The following VWA2 variants were observed in gnomAD, a reference collection of about 807,000 sequenced individuals.
VWA2 encodes the protein von Willebrand factor A domain-containing protein 2.
A neutral mutation model predicts 70.4 loss-of-function variants in VWA2; 73 were observed. The observed-to-expected ratio is 1.04, with a 90% CI of 0.86 to 1.26. The LOEUF (loss-of-function observed/expected upper bound fraction) is 1.26, where lower values mean the gene tolerates loss of function less well. VWA2 is among the 50% of genes most tolerant of loss of function. The pLI, the probability that VWA2 is intolerant of heterozygous loss-of-function variation, is 0.00. For missense variants in VWA2, 1,011 were observed against 998.5 expected, an observed-to-expected ratio of 1.01 and a Z score of -0.17; for synonymous variants, 407 against 423.3, an observed-to-expected ratio of 0.96 and a Z score of 0.47.
intron 6 of VWA2, among the ~76,000 whole-genome samples, chr10:114,276,141 C>T (rs1412440109): frequency 2.0e-5 from 3 of 152,144 alleles, no homozygotes; most frequent in Non-Finnish European, 2.9e-5. Context: ...CAGCCATGGC[C>T]TAGAGAGATG....
rs1008405155 is a variant in VWA2 at position 114,292,887 on chromosome 10, G to A, written c.*1650G>A. ...TGCCTAGCTAATTTTTGTATTTTTAGTTAGAGACAGGGTTTCACCATGTTG... is the reference window on the plus strand; with the variant it reads ...TGCCTAGCTAATTTTTGTATTTTTAATTAGAGACAGGGTTTCACCATGTTG... On this transcript the variant is annotated 3_prime_UTR_variant, in exon 14 of 14. Coordinates refer to ENST00000392982, the MANE Select transcript of VWA2 (RefSeq NM_001272046.2). Among the ~76,000 whole-genome samples, 3 of 151,966 alleles carry A rather than the reference G, an allele frequency of 2.0e-5. No homozygotes were observed. The highest frequency in any genetic ancestry group is 7.2e-5 in the African/African-American group (3 of 41,392).
chr10:114,291,233 C>A lies in VWA2; in HGVS notation c.2264C>A (p.Pro755His). Residue 755 changes from proline (P) to histidine (H), a missense_variant, in exon 14 of 14, where the codon CCC becomes CAC. Pro to His is a moderately conservative substitution (Grantham distance 77). Coordinates refer to ENST00000392982, the MANE Select transcript of VWA2 (RefSeq NM_001272046.2). ...PHCENRFLRR[P>H] Reference sequence around the variant, plus strand: ...CCTTCCCCAGGATTCTTGAGACGCCCCTGAGGCACATGGCTCCCGTGCAGG... The same window carrying A: ...CCTTCCCCAGGATTCTTGAGACGCCACTGAGGCACATGGCTCCCGTGCAGG... The A allele has an allele frequency of 6.4e-7, 1 of 1,550,398 alleles. No homozygotes were observed. Among genetic ancestry groups the A allele is most frequent in the Middle Eastern group, 1.7e-4 (1 of 5,990 alleles).
intron 3 of VWA2, 76 bp from the exon 4 acceptor site, chr10:114,254,839 G>A: frequency 6.4e-7 from 1 of 1,574,760 alleles, no homozygotes; most frequent in South Asian, 1.2e-5. Context: ...CCACAAGGCT[G>A]TTTGTGCCTT....
chr10:114,256,909 C>CAAAAA (rs1191231574), intron 4 of VWA2, among the ~76,000 whole-genome samples: 2 of 54,804 alleles, frequency 3.6e-5, no homozygotes, highest in African/African-American at 1.3e-4. Flanking sequence ...AACACCGTCT[C>CAAAAA]AAAAAAAAAA....
chr10:114,262,216 C>T (rs1236373430), intron 5 of VWA2, among the ~76,000 whole-genome samples: 1 of 151,852 alleles, frequency 6.6e-6, no homozygotes. Context: ...TGTTTACTTA[C>T]ATTATAAGTT....
At chr10:114,257,908 T>C (rs1410168595) in intron 4 of VWA2, among the ~76,000 whole-genome samples, 1 of 152,208 alleles carries the variant, frequency 6.6e-6, no homozygotes, top group African/African-American at 2.4e-5. Flanking sequence ...TGGAAACCTC[T>C]ATGAATGAGG....
rs1190550181 is a variant in VWA2, at chr10:114,293,181, T to G, written c.*1944T>G. On this transcript the variant is annotated 3_prime_UTR_variant, in exon 14 of 14. Coordinates refer to ENST00000392982, the MANE Select transcript of VWA2 (RefSeq NM_001272046.2). ...GACATTGAGTCATAATCATCTATATTCAAGGGATACTTTCATTGATAACTT... is the reference window on the plus strand; with the variant it reads ...GACATTGAGTCATAATCATCTATATGCAAGGGATACTTTCATTGATAACTT... Among the ~76,000 whole-genome samples the G allele has an allele frequency of 6.6e-6, 1 of 152,254 alleles. No individual in the cohort carries two copies. The highest frequency in any genetic ancestry group is 1.5e-5 in the Non-Finnish European group (1 of 68,050).
intron 4 of VWA2, among the ~76,000 whole-genome samples, chr10:114,259,555 T>C (rs1391663856): frequency 6.6e-6 from 1 of 152,172 alleles, no homozygotes; most frequent in Admixed American, 6.5e-5. Context: ...AAGGTCTTTT[T>C]ACACGTTGAA....
At chr10:114,283,547 C>T (rs1361346872) in intron 9 of VWA2, among the ~76,000 whole-genome samples, 4 of 152,164 alleles carry the variant, frequency 2.6e-5, no homozygotes, top group African/African-American at 7.2e-5. Flanking sequence ...TGAGGACTTC[C>T]GGTTTGGAAA....
At chr10:114,253,031 T>A (rs1176426009) in intron 2 of VWA2, among the ~76,000 whole-genome samples, 1 of 151,396 alleles carries the variant, frequency 6.6e-6, no homozygotes, top group Non-Finnish European at 1.5e-5. Flanking sequence ...TCTCTTCTGC[T>A]GCTAGACACC....
rs568963579 is a variant in VWA2 at position 114,285,907 on chromosome 10, C to T, written c.998-32C>T. 5 of 1,551,746 alleles carry T rather than the reference C, an allele frequency of 3.2e-6. No individual in the cohort carries two copies. The South Asian group carries it at 4.9e-5, about 15-fold the overall frequency. On this transcript the variant is annotated intron_variant, in intron 10 of 13. Coordinates refer to ENST00000392982, the MANE Select transcript of VWA2 (RefSeq NM_001272046.2). ...CAGCTCGCATGCCGCATGACCATGG[C>T]TTGACAGTGGGTGTTGCTGTGATCC...
chr10:114,279,282 A>G (rs1157622102), intron 8 of VWA2, among the ~76,000 whole-genome samples: 1 of 151,986 alleles, frequency 6.6e-6, no homozygotes, highest in African/African-American at 2.4e-5. Context: ...GTTCTTTGGG[A>G]TTGGAGCCCA....
chr10:114,291,076 G>A (rs1029551438), intron 13 of VWA2, 142 bp from the exon 14 acceptor site: 9 of 953,464 alleles, frequency 9.4e-6, no homozygotes, highest in Non-Finnish European at 1.5e-5. Context: ...TAATCACATG[G>A]GGTCTCTAAT....
chr10:114,274,372 A>G (rs946318329), intron 6 of VWA2, among the ~76,000 whole-genome samples: 2 of 152,174 alleles, frequency 1.3e-5, no homozygotes, highest in African/African-American at 4.8e-5. Context: ...GGAAATAGTA[A>G]GGGGAGAGGG....
At chr10:114,280,780 C>G (rs2038048231) in intron 8 of VWA2, 1 of 152,120 alleles carries the variant, frequency 6.6e-6, no homozygotes, top group Non-Finnish European at 1.5e-5. Flanking sequence ...TGCTCTGTCA[C>G]CAGGATGGAG....
chr10:114,290,091 G>C, intron 12 of VWA2, 149 bp from the exon 13 acceptor site: 1 of 1,001,434 alleles, frequency 1.0e-6, no homozygotes, highest in Non-Finnish European at 1.4e-6. Context: ...ACCTAGCCAA[G>C]TGGTATGCAG....
intron 7 of VWA2, among the ~76,000 whole-genome samples, chr10:114,278,305 C>G (rs926234619): frequency 6.6e-6 from 1 of 152,158 alleles, no homozygotes; most frequent in African/African-American, 2.4e-5. Flanking sequence ...GGTTCCCTGT[C>G]CCCTGCTCAA....
chr10:114,246,582 C>CATTTTA (rs1477682099), intron 1 of VWA2: 1 of 1,280,234 alleles, frequency 7.8e-7, no homozygotes, highest in East Asian at 2.3e-5. Flanking sequence ...CCCAGGACCT[C>CATTTTA]ATTTTAAGAC....
intron 1 of VWA2, among the ~76,000 whole-genome samples, chr10:114,243,671 C>T (rs556581451): frequency 4.6e-5 from 7 of 151,546 alleles, no homozygotes; most frequent in African/African-American, 9.8e-5. Flanking sequence ...ATTTCATTTC[C>T]GATGGTAGAG....
Sources: allele counts gnomAD v4.1 joint callset (sites outside exome capture counted in the v4.1 genomes callset), GRCh38; gene constraint gnomAD v4.1.1; transcripts MANE v1.5; gene names NCBI Gene and HGNC (gene_info 2026-07-23, HGNC 2026-07-21).